ACYP2: variants seen among roughly 807,000 people sequenced by gnomAD.
The protein encoded by ACYP2 is acylphosphatase 2, also known as acylphosphatase-2.
A neutral mutation model predicts 11.2 loss-of-function variants in ACYP2; 12 were observed. The ratio of observed to expected loss-of-function variants is 1.08; its 90% CI spans 0.69 to 1.74. The LOEUF (loss-of-function observed/expected upper bound fraction) is 1.74. Among genes scored for constraint, ACYP2 ranks in the 40% most tolerant of loss-of-function variants. The probability of loss-of-function intolerance (pLI) is 0.00; values close to 1 mark genes in which losing one functional copy is unlikely to be tolerated. For missense variants in ACYP2, 134 were observed against 101.9 expected, an observed-to-expected ratio of 1.31 and a Z score of -1.35; for synonymous variants, 43 against 32.2, an observed-to-expected ratio of 1.33 and a Z score of -1.13.
At chr2:54,115,746 A>C in intron 4 of ACYP2, 1 of 1,612,764 alleles carries the variant, frequency 6.2e-7, no homozygotes, top group South Asian at 1.1e-5. Flanking sequence ...AGGTGTTCGG[A>C]AGAGTGCAGG....
intron 6 of ACYP2, among the ~76,000 whole-genome samples, chr2:54,293,295 A>T (rs556587634): frequency 6.6e-6 from 1 of 152,292 alleles, no homozygotes; most frequent in African/African-American, 2.4e-5. Flanking sequence ...ATCTGTCACT[A>T]GATATGTGTT....
At chr2:54,205,335 C>T (rs1449453321) in intron 6 of ACYP2, among the ~76,000 whole-genome samples, 4 of 152,154 alleles carry the variant, frequency 2.6e-5, no homozygotes, top group Non-Finnish European at 4.4e-5. Context: ...AGATGATGCC[C>T]GGAGAGAAGC....
chr2:54,191,257 C>G (rs1332287189), intron 6 of ACYP2, among the ~76,000 whole-genome samples: 1 of 152,124 alleles, frequency 6.6e-6, no homozygotes, highest in Non-Finnish European at 1.5e-5. Flanking sequence ...GTAAACTGCC[C>G]CCTGCTCTCC....
Position 54,007,019 on chromosome 2 carries a change from G to A in ACYP2, c.62+33209G>A, listed in dbSNP as rs186137627. 1.2e-3 allele frequency among the ~76,000 whole-genome samples: 182 copies of A among 151,446 alleles called. 2 individuals carry two copies. Among genetic ancestry groups the A allele is most frequent in the South Asian group, 7.3e-3 (35 of 4,784 alleles). On this transcript the variant is annotated intron_variant, in intron 2 of 6. Transcript: ENST00000607452. ...ATGTGCCTGTAATCCCAGCTACTCG[G>A]TAGGCTGAGGCAGGAGAATCACTTG...
intron 2 of ACYP2, among the ~76,000 whole-genome samples, chr2:53,999,729 C>T (rs548444087): frequency 1.3e-5 from 2 of 152,292 alleles, no homozygotes; most frequent in South Asian, 4.1e-4. Flanking sequence ...GTAGCATTGT[C>T]CAATCTCACA....
At chr2:54,263,348 G>T (rs943106906) in intron 6 of ACYP2, among the ~76,000 whole-genome samples, 2 of 152,180 alleles carry the variant, frequency 1.3e-5, no homozygotes, top group African/African-American at 2.4e-5. Context: ...ATGAGAAGCT[G>T]CCCCCATGAT....
chr2:54,127,674 G>A (rs1414103574), intron 4 of ACYP2, among the ~76,000 whole-genome samples: 2 of 148,610 alleles, frequency 1.3e-5, no homozygotes, highest in East Asian at 4.0e-4. Flanking sequence ...CTTGAACCTG[G>A]GAGGCGGAGG....
chr2:53,982,968 A>G (rs954352854), intron 2 of ACYP2, among the ~76,000 whole-genome samples: 4 of 151,968 alleles, frequency 2.6e-5, no homozygotes, highest in Admixed American at 1.3e-4. Context: ...GTAAAGATCC[A>G]TTTCTGCATG....
intron 6 of ACYP2, among the ~76,000 whole-genome samples, chr2:54,249,963 A>G (rs888560174): frequency 6.0e-5 from 9 of 149,718 alleles, no homozygotes; most frequent in Non-Finnish European, 1.0e-4. Context: ...AAAAAAAAAA[A>G]AAAGAAAACT....
At chr2:54,223,890 T>C (rs550818653) in intron 6 of ACYP2, among the ~76,000 whole-genome samples, 1 of 152,276 alleles carries the variant, frequency 6.6e-6, no homozygotes, top group East Asian at 1.9e-4. Context: ...AACTGTGTTT[T>C]TAACGTAACA....
intron 2 of ACYP2, among the ~76,000 whole-genome samples, chr2:54,008,032 A>G (rs1399255734): frequency 6.6e-6 from 1 of 152,228 alleles, no homozygotes; most frequent in Non-Finnish European, 1.5e-5. Context: ...TAGAAGCAAC[A>G]TGGAGTCAGC....
rs533435986 is a variant in ACYP2, at chr2:54,157,251, T to A, written c.404+18503T>A. On this transcript the variant is annotated intron_variant, in intron 6 of 6. Transcript: ENST00000607452. ...CATGTAATATAATCCCTTATTATTT[T>A]AAAAAAACCTATACATTCCCATGTA... 4.6e-5 allele frequency among the ~76,000 whole-genome samples: 7 copies of A among 152,254 alleles called. No individual in the cohort carries two copies. In the East Asian group the frequency reaches 9.6e-4, roughly 21 times the overall value.
At chr2:53,983,433 G>C (rs1671864478) in intron 2 of ACYP2, among the ~76,000 whole-genome samples, 1 of 152,138 alleles carries the variant, frequency 6.6e-6, no homozygotes. Flanking sequence ...TTGAACCCAG[G>C]AGATTGAGGC....
At chr2:54,134,065 A>T (rs1227593105) in intron 4 of ACYP2, among the ~76,000 whole-genome samples, 1 of 151,918 alleles carries the variant, frequency 6.6e-6, no homozygotes, top group Non-Finnish European at 1.5e-5. Context: ...GGTTCAAAGT[A>T]TTAACATAAT....
At chr2:54,210,968 G>A (rs940872759) in intron 6 of ACYP2, among the ~76,000 whole-genome samples, 1 of 152,126 alleles carries the variant, frequency 6.6e-6, no homozygotes, top group African/African-American at 2.4e-5. Flanking sequence ...TATAAGCAAA[G>A]ATGGCACTGG....
At chr2:54,234,855 A>T (rs534882071) in intron 6 of ACYP2, among the ~76,000 whole-genome samples, 40 of 152,308 alleles carry the variant, frequency 2.6e-4, no homozygotes, top group Admixed American at 8.5e-4. Flanking sequence ...TCTTCCACCC[A>T]AGCTTCACCA....
chr2:54,265,998 C>T (rs1687999879), intron 6 of ACYP2, among the ~76,000 whole-genome samples: 1 of 152,162 alleles, frequency 6.6e-6, no homozygotes, highest in South Asian at 2.1e-4. Context: ...ATTTATTATG[C>T]CCATAAAAAA....
chr2:54,111,161 C>G (rs1331745639), intron 4 of ACYP2, among the ~76,000 whole-genome samples: 2 of 152,108 alleles, frequency 1.3e-5, no homozygotes, highest in African/African-American at 2.4e-5. Context: ...TGGGATACGG[C>G]TGTAGAGAGA....
intron 2 of ACYP2, among the ~76,000 whole-genome samples, chr2:54,032,293 A>G (rs567243357): frequency 2.6e-5 from 4 of 152,230 alleles, no homozygotes; most frequent in African/African-American, 9.6e-5. Flanking sequence ...ATCTTGAATT[A>G]ATTTTTGTAT....
Sources: allele counts gnomAD v4.1 joint callset (sites outside exome capture counted in the v4.1 genomes callset), GRCh38; gene constraint gnomAD v4.1.1; transcripts MANE v1.5; gene names NCBI Gene and HGNC (gene_info 2026-07-23, HGNC 2026-07-21).